The following GABRR3 variants were observed in gnomAD, a reference collection of about 807,000 sequenced individuals.
GABRR3 encodes gamma-aminobutyric acid type A receptor subunit rho3.
A neutral mutation model predicts 43.2 loss-of-function variants in GABRR3; 29 were observed. That is an observed-to-expected ratio of 0.67 (90% CI 0.50 to 0.92). The LOEUF is 0.92. GABRR3 is among the 40% of genes least tolerant of loss of function. The pLI is 0.00. For synonymous variants in GABRR3, 206 were observed against 195.9 expected, an observed-to-expected ratio of 1.05 and a Z score of -0.43; for missense variants, 576 against 572.3, an observed-to-expected ratio of 1.01 and a Z score of -0.07.
chr3:97,994,172 G>A (rs1024196996), intron 8 of GABRR3, among the ~76,000 whole-genome samples: 3 of 152,200 alleles, frequency 2.0e-5, no homozygotes, highest in Non-Finnish European at 4.4e-5. Flanking sequence ...GAAGAGCACT[G>A]TGATTTACTC....
chr3:98,026,137 GA>G (rs1707012672), intron 2 of GABRR3, among the ~76,000 whole-genome samples: 1 of 152,148 alleles, frequency 6.6e-6, no homozygotes, highest in South Asian at 2.1e-4. Flanking sequence ...AAGACAGCGA[GA>G]AAACGAAAGG....
chr3:98,035,133 C>G, intron 1 of GABRR3, 57 bp downstream of exon 1: 2 of 947,406 alleles, frequency 2.1e-6, no homozygotes, highest in Non-Finnish European at 3.0e-6. Flanking sequence ...GTCTTCAATG[C>G]TGCACTTTGT....
chr3:98,001,775 A>G lies in GABRR3; in HGVS notation c.755-8T>C. 6.2e-7 allele frequency: 1 copy of G among 1,612,662 alleles called. No homozygotes were observed. Among genetic ancestry groups the G allele is most frequent in the Non-Finnish European group, 8.5e-7 (1 of 1,179,150 alleles). The stretch of plus-strand genomic sequence containing the variant: ...AAAGCCTATTGTACCAACCTGTGGA[A>G]AAAAGCCAAAGTTTTCATTAGAGCA... On this transcript the variant is annotated splice_polypyrimidine_tract_variant and splice_region_variant and intron_variant, in intron 7 of 9. Coordinates refer to ENST00000621172, the Ensembl canonical transcript of GABRR3.
intron 9 of GABRR3, among the ~76,000 whole-genome samples, chr3:97,992,428 T>C (rs1212634250): frequency 6.6e-6 from 1 of 152,174 alleles, no homozygotes; most frequent in Non-Finnish European, 1.5e-5. Flanking sequence ...ATGAGGGCGA[T>C]AAAATACTGA....
chr3:98,012,449 G>A, exon 5 of GABRR3: 1 of 1,613,912 alleles, frequency 6.2e-7, no homozygotes, highest in South Asian at 1.1e-5. Flanking sequence ...AAAGATATCA[G>A]GCACCCAGAT....
chr3:98,025,636 G>T (rs772326338), exon 3 of GABRR3: 1 of 1,612,680 alleles, frequency 6.2e-7, no homozygotes, highest in Admixed American at 1.7e-5. Flanking sequence ...TTCTGAGGCC[G>T]CGCTTTGGTA....
At chr3:98,007,158 G>GA (rs1384624912) in intron 7 of GABRR3, among the ~76,000 whole-genome samples, 1 of 152,152 alleles carries the variant, frequency 6.6e-6, no homozygotes, top group Non-Finnish European at 1.5e-5. Context: ...GGAACGGTGA[G>GA]AAAGGAAGCC....
At chr3:98,034,745 A>G (rs1707129972) in intron 2 of GABRR3, 118 bp downstream of exon 2, 1 of 1,228,762 alleles carries the variant, frequency 8.1e-7, no homozygotes, top group Admixed American at 1.9e-5. Flanking sequence ...CTAGAGACAG[A>G]CATGGTTACA....
chr3:98,014,587 C>T (rs979262808), intron 4 of GABRR3, among the ~76,000 whole-genome samples: 1 of 152,116 alleles, frequency 6.6e-6, no homozygotes, highest in Non-Finnish European at 1.5e-5. Flanking sequence ...TTAAGACTTA[C>T]ATTGAGCTGA....
At chr3:98,015,170 T>C (rs2107241494) in intron 4 of GABRR3, among the ~76,000 whole-genome samples, 1 of 152,142 alleles carries the variant, frequency 6.6e-6, no homozygotes, top group East Asian at 1.9e-4. Context: ...GAAAATAACT[T>C]AACTTTTCCC....
At chr3:98,025,493 C>T in intron 3 of GABRR3, 74 bp downstream of exon 3, 1 of 978,876 alleles carries the variant, frequency 1.0e-6, no homozygotes, top group Non-Finnish European at 1.5e-6. Flanking sequence ...GCATTTTGGT[C>T]TTGTTTTAAA....
At chr3:98,012,806 T>C (rs1471958876) in intron 4 of GABRR3, among the ~76,000 whole-genome samples, 1 of 152,136 alleles carries the variant, frequency 6.6e-6, no homozygotes, top group Admixed American at 6.5e-5. Flanking sequence ...AATATTCAAG[T>C]TGGGGAAGGG....
Position 98,012,576 on chromosome 3 carries a change from A to G in GABRR3, c.307-9T>C. 6.3e-7 allele frequency: 1 copy of G among 1,575,232 alleles called. No individual in the cohort carries two copies. The highest frequency in any genetic ancestry group is 2.3e-5 in the East Asian group (1 of 43,466). ...AAAGTCATTGTAAAGTCCTAGACAGAGAGAAAAAGAGACCAAAAAAACCAG... is the reference window on the plus strand; with the variant it reads ...AAAGTCATTGTAAAGTCCTAGACAGGGAGAAAAAGAGACCAAAAAAACCAG... On this transcript the variant is annotated splice_polypyrimidine_tract_variant and intron_variant, in intron 4 of 9. Coordinates refer to ENST00000621172, the Ensembl canonical transcript of GABRR3.
intron 7 of GABRR3, among the ~76,000 whole-genome samples, chr3:98,002,181 A>C (rs768618609): frequency 1.3e-5 from 2 of 152,186 alleles, no homozygotes; most frequent in African/African-American, 2.4e-5. Flanking sequence ...GAATGAAAAG[A>C]TTCAGAGTAT....
chr3:97,996,971 A>G (rs925740383), intron 8 of GABRR3, among the ~76,000 whole-genome samples: 3 of 152,204 alleles, frequency 2.0e-5, no homozygotes, highest in Non-Finnish European at 4.4e-5. Flanking sequence ...ACAACTACGT[A>G]CTGAATATGA....
intron 2 of GABRR3, among the ~76,000 whole-genome samples, chr3:98,028,605 G>A (rs76653341): frequency 0.013 from 1,986 of 152,304 alleles, 47 homozygotes; most frequent in African/African-American, 0.046. Context: ...TTCAGGAAGA[G>A]GGAGAGGGAT....
intron 2 of GABRR3, among the ~76,000 whole-genome samples, chr3:98,030,567 A>G (rs1234904877): frequency 6.6e-6 from 1 of 152,242 alleles, no homozygotes; most frequent in Non-Finnish European, 1.5e-5. Context: ...GATTCTAGGT[A>G]TCTTTTTCCA....
At chr3:97,987,561 G>C (rs913088049) in intron 9 of GABRR3, among the ~76,000 whole-genome samples, 1 of 152,084 alleles carries the variant, frequency 6.6e-6, no homozygotes, top group East Asian at 1.9e-4. Context: ...ATAGAGAGAG[G>C]CTACTATCGG....
intron 3 of GABRR3, among the ~76,000 whole-genome samples, chr3:98,023,001 A>G (rs1706969962): frequency 6.6e-6 from 1 of 152,120 alleles, no homozygotes; most frequent in Non-Finnish European, 1.5e-5. Context: ...ATGTTTTAAG[A>G]TAAGAGAGGA....
Sources: allele counts gnomAD v4.1 joint callset (sites outside exome capture counted in the v4.1 genomes callset), GRCh38; gene constraint gnomAD v4.1.1; transcripts MANE v1.5; gene names NCBI Gene and HGNC (gene_info 2026-07-23, HGNC 2026-07-21).